Variants in F5 observed in about 807,000 individuals in gnomAD.
F5 encodes coagulation factor V, also known as activated protein c cofactor.
In F5, 138 loss-of-function variants were observed where a neutral mutation model predicts 216.4. The ratio of observed to expected loss-of-function variants is 0.64; its 90% CI spans 0.56 to 0.73. The LOEUF is 0.73. Ranked by LOEUF, F5 falls within the 30% of genes least tolerant of loss-of-function variation. F5 has a pLI of 0.00. For synonymous variants in F5, 916 were observed against 930.7 expected (o/e 0.98, Z 0.29); for missense variants, 2,403 against 2,674.0 (o/e 0.90, Z 2.24).
chr1:169,561,717 G>T (rs1660491193), intron 3 of F5, among the ~76,000 whole-genome samples: 1 of 151,986 alleles, frequency 6.6e-6, no homozygotes, highest in African/African-American at 2.4e-5. Flanking sequence ...ATTTTTGTTT[G>T]GTACAATAAC....
chr1:169,586,468 G>A lies in F5; in HGVS notation c.-82C>T, dbSNP rs1226029106. 2.3e-5 allele frequency: 35 copies of A among 1,542,838 alleles called. No homozygotes were observed. Among genetic ancestry groups the A allele is most frequent in the Non-Finnish European group, 2.5e-5 (29 of 1,146,848 alleles). On this transcript the variant is annotated 5_prime_UTR_variant, in exon 1 of 25. Transcript: ENST00000367797. ...CGAGCTGCTAACCACACTCCGGGCTGTCCCAGCTGCAATGAGCTCTAGAGG... is the reference window on the plus strand; with the variant it reads ...CGAGCTGCTAACCACACTCCGGGCTATCCCAGCTGCAATGAGCTCTAGAGG...
At chr1:169,546,645 G>A in intron 10 of F5, 53 bp from the exon 11 acceptor site, 1 of 1,518,294 alleles carries the variant, frequency 6.6e-7, no homozygotes, top group Non-Finnish European at 9.1e-7. Context: ...ATAGACCAAT[G>A]GAACAGAATA....
Position 169,514,134 on chromosome 1 carries a change from T to G in F5, c.*179A>C. On this transcript the variant is annotated 3_prime_UTR_variant, in exon 25 of 25. Transcript: ENST00000367797. ...GCAGAAGTAATAGCCATTATCTTAC[T>G]TACTGGTAGCAAGGAGTTACATTAT... 1 of 620,176 alleles carries G rather than the reference T, an allele frequency of 1.6e-6. No individual in the cohort carries two copies. Among genetic ancestry groups the G allele is most frequent in the African/African-American group, 1.8e-5 (1 of 54,206 alleles). 38.4% of individuals were successfully genotyped at this position (620,176 alleles called of 1,614,324 possible). A position where few individuals can be genotyped will look rare whatever the true frequency, so the allele number is the denominator to read the frequency against.
At chr1:169,583,609 GTGC>G (rs1479642732) in intron 1 of F5, among the ~76,000 whole-genome samples, 2 of 152,184 alleles carry the variant, frequency 1.3e-5, no homozygotes, top group African/African-American at 4.8e-5. Context: ...AAGTTGATAT[GTGC>G]AAAAGGCATA....
chr1:169,563,629 A>G (rs7554566), intron 3 of F5, among the ~76,000 whole-genome samples: 41,588 of 151,958 alleles, frequency 0.27, 6,042 homozygotes, highest in South Asian at 0.36. Context: ...TATTAGTGGT[A>G]TCCTTCAGTT....
chr1:169,550,013 T>C lies in F5; in HGVS notation c.1399A>G (p.Arg467Gly), dbSNP rs1660123803. ...DEVNSSFTSG[R>G]NNTMIRAVQP... ...ACTGCTCTGATCATGGTGTTGTTCC[T>C]GCCTGAAAGAAAATATATTCAAAAT... The change falls in exon 10 of 25, where the codon AGG becomes GGG. Residue 467 changes from arginine (R) to glycine (G), a missense_variant and splice_region_variant. Physicochemically the swap from Arg to Gly is moderately radical, Grantham distance 125 (BLOSUM62 -2). Around this residue, in one of 4 missense-constraint regions of F5, gnomAD observed 1,425 missense variants for 1,554.8 expected, o/e 0.92. Coordinates refer to ENST00000367797, the MANE Select transcript of F5 (RefSeq NM_000130.5). The C allele has an allele frequency of 3.1e-6, 5 of 1,612,690 alleles. No individual in the cohort carries two copies. In the Admixed American group the frequency reaches 6.7e-5, roughly 22 times the overall value.
rs776284318 is a variant in F5, at chr1:169,541,349, T to G, written c.3741A>C (p.Thr1247=). The change falls in exon 13 of 25, where the codon ACA becomes ACC. Residue 1247 remains threonine (T), a synonymous_variant. Transcript: ENST00000367797. ...TCTGGCTGAGGTCTAAAGAAAGGGT[T>G]GTATGGCTGAGGTCTGGAGAAAGGG... The part of the protein sequence containing the change: ...HTTLSPDLSH[T]TLSLDLSQTN... 3 of 1,610,018 alleles carry G rather than the reference T, an allele frequency of 1.9e-6. No individual in the cohort carries two copies. Among genetic ancestry groups the G allele is most frequent in the Non-Finnish European group, 1.7e-6 (2 of 1,178,428 alleles).
Position 169,560,672 on chromosome 1 carries a change from C to T in F5, c.468G>A (p.Glu156=). Residue 156 remains glutamate, a synonymous_variant, in exon 4 of 25, where the codon GAG becomes GAA. Transcript: ENST00000367797. ...REYTYEWSIS[E]DSGPTHDDPP... is the part of the protein sequence containing the mutation. ...GGTCATCATGGGTGGGTCCACTGTC[C>T]TCACTGATACTCCATTCATAGGTGT... 1.2e-6 allele frequency: 2 copies of T among 1,613,730 alleles called. No homozygotes were observed. The highest frequency in any genetic ancestry group is 1.7e-6 in the Non-Finnish European group (2 of 1,179,810).
Position 169,556,642 on chromosome 1 carries a change from T to C in F5, c.952+4A>G. On this transcript the variant is annotated splice_donor_region_variant and intron_variant, in intron 6 of 24. Coordinates refer to ENST00000367797, the MANE Select transcript of F5 (RefSeq NM_000130.5). Reference sequence around the variant, plus strand: ...GAAGCAAGACTGTCAGGAGAGTTTCTTGCCTTGCAAATGTTTTGGGGTGAG... The same window carrying C: ...GAAGCAAGACTGTCAGGAGAGTTTCCTGCCTTGCAAATGTTTTGGGGTGAG... 6.2e-7 allele frequency: 1 copy of C among 1,613,746 alleles called. No homozygotes were observed. Among genetic ancestry groups the C allele is most frequent in the Non-Finnish European group, 8.5e-7 (1 of 1,179,712 alleles).
At chr1:169,544,767 C>T (rs1468201180) in intron 11 of F5, among the ~76,000 whole-genome samples, 4 of 152,128 alleles carry the variant, frequency 2.6e-5, no homozygotes, top group Non-Finnish European at 4.4e-5. Context: ...TTTAGTCATT[C>T]ATCAAATGTA....
intron 15 of F5, among the ~76,000 whole-genome samples, chr1:169,530,354 C>T (rs2101811260): frequency 6.6e-6 from 1 of 152,224 alleles, no homozygotes; most frequent in South Asian, 2.1e-4. Flanking sequence ...TTTTAATTGA[C>T]AGATAAAATT....
intron 10 of F5, among the ~76,000 whole-genome samples, chr1:169,547,756 T>G (rs1011765467): frequency 3.9e-5 from 6 of 152,120 alleles, no homozygotes; most frequent in African/African-American, 7.2e-5. Context: ...TGTAAATTAG[T>G]TCAACCATTG....
At chr1:169,527,190 T>G (rs1431473719) in intron 17 of F5, among the ~76,000 whole-genome samples, 1 of 152,156 alleles carries the variant, frequency 6.6e-6, no homozygotes, top group African/African-American at 2.4e-5. Context: ...TACAGACTCC[T>G]TGGAATTCTG....
Position 169,514,278 on chromosome 1 carries a change from AAGAGT to A in F5, c.*30_*34del, listed in dbSNP as rs1659104355. 1.9e-6 allele frequency: 3 copies of A among 1,609,592 alleles called. No homozygotes were observed. The stretch of plus-strand genomic sequence containing the variant: ...CCATTCTAAATGGTTTGAGGTCTTA[AAGAGT>A]CTCTTCCAGGGGTTTTTGAATGTTC... On this transcript the variant is annotated 3_prime_UTR_variant, in exon 25 of 25. Coordinates refer to ENST00000367797, the MANE Select transcript of F5 (RefSeq NM_000130.5).
chr1:169,514,088 C>G lies in F5; in HGVS notation c.*225G>C. 1.9e-6 allele frequency: 1 copy of G among 521,810 alleles called. No homozygotes were observed. The highest frequency in any genetic ancestry group is 3.4e-6 in the Non-Finnish European group (1 of 294,434). 32.3% of individuals were successfully genotyped at this position (521,810 alleles called of 1,614,324 possible). ...TTTTCTTGTTGGTTCTTGATATTTT[C>G]CTACCTGTATTCAAATTAATGCAGA... On this transcript the variant is annotated 3_prime_UTR_variant, in exon 25 of 25. Coordinates refer to ENST00000367797, the MANE Select transcript of F5 (RefSeq NM_000130.5).
At chr1:169,553,490 C>T (rs1005787377) in intron 7 of F5, among the ~76,000 whole-genome samples, 9 of 152,210 alleles carry the variant, frequency 5.9e-5, no homozygotes, top group Non-Finnish European at 8.8e-5. Context: ...GGGCAAATCA[C>T]GAGGTCAGGA....
At position 169,560,554 on chromosome 1, in the gene F5, C is replaced by G; in HGVS notation, c.586G>C (p.Gly196Arg). Residue 196 changes from glycine to arginine, a missense_variant and splice_region_variant, in exon 4 of 25, where the codon GGG becomes CGG. Transcript: ENST00000367797. The stretch of plus-strand genomic sequence containing the variant: ...AATCTTTTGGTGGGGGTGTTCTTAC[C>G]TTTTTTACAGATAAGCAGGGGCCCA... The part of the protein sequence containing the change: ...LIGPLLICKK[G>R]TLTEGGTQKT... 4.3e-6 allele frequency: 7 copies of G among 1,613,254 alleles called. No homozygotes were observed. The highest frequency in any genetic ancestry group is 5.1e-6 in the Non-Finnish European group (6 of 1,179,536).
intron 3 of F5, among the ~76,000 whole-genome samples, chr1:169,561,056 G>A (rs1660473273): frequency 6.6e-6 from 1 of 152,128 alleles, no homozygotes; most frequent in South Asian, 2.1e-4. Flanking sequence ...TATAATCAGA[G>A]AATTGAATCG....
chr1:169,514,937 T>C (rs114688524), intron 24 of F5, among the ~76,000 whole-genome samples: 83 of 152,258 alleles, frequency 5.5e-4, no homozygotes, highest in African/African-American at 2.0e-3. Context: ...CATTTCCTCA[T>C]TGGCAAAATA....
Sources: allele counts gnomAD v4.1 joint callset (sites outside exome capture counted in the v4.1 genomes callset), GRCh38; gene constraint gnomAD v4.1.1; regional missense constraint gnomAD v4.1.1; transcripts MANE v1.5; gene names NCBI Gene and HGNC (gene_info 2026-07-23, HGNC 2026-07-21).